GRID2: variants seen among roughly 807,000 people sequenced by gnomAD.
GRID2 encodes glutamate ionotropic receptor delta type subunit 2, also known as glutamate receptor ionotropic, delta-2.
Under a neutral mutation model 114.8 loss-of-function variants are expected in GRID2, and 33 were observed. That is an observed-to-expected ratio of 0.29 (90% CI 0.22 to 0.38). The LOEUF (loss-of-function observed/expected upper bound fraction) is 0.38, where lower values mean the gene tolerates loss of function less well. Ranked by LOEUF, GRID2 falls within the 10% of genes least tolerant of loss-of-function variation. The pLI, the probability that GRID2 is intolerant of heterozygous loss-of-function variation, is 1.00. For missense variants in GRID2, 1,184 were observed against 1,257.7 expected (o/e 0.94, Z 0.89); for synonymous variants, 505 against 449.9 (o/e 1.12, Z -1.55).
chr4:92,316,869 G>T lies in GRID2; in HGVS notation c.88+12125G>T, dbSNP rs528390996. On this transcript the variant is annotated intron_variant, in intron 1 of 15. Coordinates refer to ENST00000282020, the MANE Select transcript of GRID2 (RefSeq NM_001510.4). Reference sequence around the variant, plus strand: ...AATCTCATTTCTCAGCTTTCTGATGGTTCACCATATTGTAGCTATAGGCTA... The same window carrying T: ...AATCTCATTTCTCAGCTTTCTGATGTTTCACCATATTGTAGCTATAGGCTA... Among the ~76,000 whole-genome samples the T allele has an allele frequency of 2.6e-5, 4 of 152,190 alleles. No individual in the cohort carries two copies. In the South Asian group the frequency reaches 8.3e-4, roughly 32 times the overall value.
intron 12 of GRID2, among the ~76,000 whole-genome samples, chr4:93,496,116 A>G (rs1186103695): frequency 9.6e-6 from 1 of 103,972 alleles, no homozygotes; most frequent in African/African-American, 4.1e-5. Flanking sequence ...TTTTTTCCTG[A>G]TTGTAAAAAA....
intron 2 of GRID2, among the ~76,000 whole-genome samples, chr4:92,605,665 A>T (rs1579669728): frequency 2.6e-5 from 4 of 152,210 alleles, no homozygotes; most frequent in Admixed American, 2.6e-4. Context: ...ATTCCAAGCT[A>T]TTTCATATGG....
At chr4:92,586,165 C>T (rs1418994501) in intron 1 of GRID2, among the ~76,000 whole-genome samples, 1 of 151,746 alleles carries the variant, frequency 6.6e-6, no homozygotes, top group African/African-American at 2.4e-5. Context: ...TAAGGACTAC[C>T]TCTGTGGTAG....
At chr4:93,457,576 A>G (rs1723321270) in intron 11 of GRID2, among the ~76,000 whole-genome samples, 1 of 152,204 alleles carries the variant, frequency 6.6e-6, no homozygotes, top group African/African-American at 2.4e-5. Context: ...GTGAAAAGTC[A>G]GACAAATTAG....
intron 4 of GRID2, among the ~76,000 whole-genome samples, chr4:93,178,834 A>T (rs1739619117): frequency 6.6e-6 from 1 of 152,092 alleles, no homozygotes; most frequent in South Asian, 2.1e-4. Context: ...AGGTTCCATT[A>T]TATCCTGTTT....
chr4:92,308,566 A>C (rs931197790), intron 1 of GRID2, among the ~76,000 whole-genome samples: 3 of 152,160 alleles, frequency 2.0e-5, no homozygotes, highest in Non-Finnish European at 4.4e-5. Flanking sequence ...TATTTTCACT[A>C]TGAGAATGTT....
chr4:92,822,513 G>A (rs914065441), intron 2 of GRID2: 2 of 372,178 alleles, frequency 5.4e-6, no homozygotes, highest in African/African-American at 2.1e-5. Context: ...CAGTGTATTT[G>A]TATATACTCA....
Position 92,584,303 on chromosome 4 carries a change from AT to A in GRID2, c.89-5827del, listed in dbSNP as rs111431463. Among the ~76,000 whole-genome samples the A allele has an allele frequency of 2.5e-4, 38 of 152,132 alleles. 1 individual carries two copies. Among genetic ancestry groups the A allele is most frequent in the African/African-American group, 7.7e-4 (32 of 41,570 alleles). On this transcript the variant is annotated intron_variant, in intron 1 of 15. Transcript: ENST00000282020. The stretch of plus-strand genomic sequence containing the variant: ...GGAATGCCATTTGTAGATGAAAAAA[AT>A]GTTATAAATCTCTTGACTTGGATAT...
In GRID2 at chr4:93,769,194, T is replaced by C; in HGVS notation, c.2361-16T>C. The C allele has an allele frequency of 1.9e-6, 3 of 1,613,318 alleles. No individual in the cohort carries two copies. Among genetic ancestry groups the C allele is most frequent in the Non-Finnish European group, 2.5e-6 (3 of 1,179,362 alleles). ...CTATGTCTGTAATAACACATGCTTA[T>C]GTTCTTTATCCCAAGGATCCTGGAG... On this transcript the variant is annotated splice_polypyrimidine_tract_variant and intron_variant, in intron 14 of 15. Coordinates refer to ENST00000282020, the MANE Select transcript of GRID2 (RefSeq NM_001510.4).
chr4:93,427,910 G>T lies in GRID2; in HGVS notation c.1545+4942G>T, dbSNP rs1321208699. ...GAGATATCTTCTGCCTAGTACAGGA[G>T]AAATATTTAAGGGTGAGTTAATGTA... On this transcript the variant is annotated intron_variant, in intron 10 of 15. Transcript: ENST00000282020. 3.9e-5 allele frequency among the ~76,000 whole-genome samples: 6 copies of T among 151,980 alleles called. No homozygotes were observed. In the East Asian group the frequency reaches 9.6e-4, roughly 24 times the overall value.
At chr4:93,801,376 GT>G (rs1245232586) in intron 1 of GRID2, among the ~76,000 whole-genome samples, 2 of 151,946 alleles carry the variant, frequency 1.3e-5, no homozygotes, top group African/African-American at 4.8e-5. Flanking sequence ...AAACTGCACT[GT>G]TTTTTCTTAT....
At chr4:93,802,122 G>T (rs1026740170) in intron 1 of GRID2, among the ~76,000 whole-genome samples, 3 of 152,144 alleles carry the variant, frequency 2.0e-5, no homozygotes, top group African/African-American at 7.2e-5. Context: ...TCTTTCTGCC[G>T]CAGGGCGTGC....
At chr4:92,600,540 A>G (rs566629558) in intron 2 of GRID2, among the ~76,000 whole-genome samples, 1 of 152,268 alleles carries the variant, frequency 6.6e-6, no homozygotes, top group South Asian at 2.1e-4. Context: ...GGATTGTGTA[A>G]AAAGACTGAA....
At chr4:93,356,758 T>G (rs1387835924) in intron 8 of GRID2, among the ~76,000 whole-genome samples, 1 of 151,962 alleles carries the variant, frequency 6.6e-6, no homozygotes, top group African/African-American at 2.4e-5. Context: ...TTTCTATAAC[T>G]TTGATACATA....
chr4:93,754,163 T>C (rs1434756035), intron 14 of GRID2, among the ~76,000 whole-genome samples: 2 of 152,160 alleles, frequency 1.3e-5, no homozygotes, highest in African/African-American at 2.4e-5. Context: ...GATGGTGTTA[T>C]AATCTTATGG....
intron 2 of GRID2, among the ~76,000 whole-genome samples, chr4:92,843,742 A>C (rs1364603678): frequency 6.6e-6 from 1 of 152,124 alleles, no homozygotes; most frequent in Non-Finnish European, 1.5e-5. Context: ...GATTTTTTAC[A>C]ATAACCTTCA....
chr4:93,177,404 A>G (rs1265018741), intron 4 of GRID2, among the ~76,000 whole-genome samples: 3 of 152,126 alleles, frequency 2.0e-5, no homozygotes, highest in Admixed American at 2.0e-4. Flanking sequence ...ACATCTGAGA[A>G]ACATTCTATC....
At chr4:93,601,287 T>C (rs535198871) in intron 13 of GRID2, among the ~76,000 whole-genome samples, 1 of 152,214 alleles carries the variant, frequency 6.6e-6, no homozygotes, top group South Asian at 2.1e-4. Flanking sequence ...GAACTGAAAA[T>C]AGAGTATATG....
chr4:92,561,659 A>G (rs1305699489), intron 1 of GRID2, among the ~76,000 whole-genome samples: 1 of 152,194 alleles, frequency 6.6e-6, no homozygotes, highest in Non-Finnish European at 1.5e-5. Context: ...GTGTGGCTAC[A>G]TTGTTTAGCA....
Sources: allele counts gnomAD v4.1 joint callset (sites outside exome capture counted in the v4.1 genomes callset), GRCh38; gene constraint gnomAD v4.1.1; transcripts MANE v1.5; gene names NCBI Gene and HGNC (gene_info 2026-07-23, HGNC 2026-07-21).